The following CLIC5 variants were observed in gnomAD, a reference collection of about 807,000 sequenced individuals.
The protein encoded by CLIC5 is chloride intracellular channel protein 5.
Under a neutral mutation model 24.7 loss-of-function variants are expected in CLIC5, and 20 were observed. The observed-to-expected ratio is 0.81, with a 90% CI of 0.57 to 1.18. The LOEUF (loss-of-function observed/expected upper bound fraction) is 1.18. Among genes scored for constraint, CLIC5 ranks in the 50% most tolerant of loss-of-function variants. CLIC5 has a pLI of 0.00. For missense variants in CLIC5, 341 were observed against 326.1 expected (o/e 1.05, Z -0.35); for synonymous variants, 159 against 135.6 (o/e 1.17, Z -1.20).
intron 1 of CLIC5, among the ~76,000 whole-genome samples, chr6:46,062,425 A>T (rs1762310662): frequency 6.6e-6 from 1 of 152,220 alleles, no homozygotes; most frequent in South Asian, 2.1e-4. Context: ...GTACTGTCTT[A>T]TTTATTTAAG....
chr6:46,121,895 T>C, the CLIC5 span, among the ~76,000 whole-genome samples: 646 of 152,230 alleles, frequency 4.2e-3, 6 homozygotes, highest in African/African-American at 0.015. Context: ...CCTAAATATA[T>C]ATGCACCCAA....
chr6:46,114,377 A>AC, the CLIC5 span, among the ~76,000 whole-genome samples: 1 of 152,066 alleles, frequency 6.6e-6, no homozygotes, highest in Admixed American at 6.6e-5. Context: ...CATTACCGTC[A>AC]CCCCCAGAAG....
chr6:45,907,918 A>G (rs1266513658), intron 5 of CLIC5, among the ~76,000 whole-genome samples: 2 of 152,074 alleles, frequency 1.3e-5, no homozygotes, highest in African/African-American at 4.8e-5. Context: ...CTCTTGCCCA[A>G]TTGCTCTGGA....
rs992487444 is a variant in CLIC5 at position 45,988,653 on chromosome 6, G to T, written c.63+26827C>A. On this transcript the variant is annotated intron_variant, in intron 1 of 5. Transcript: ENST00000339561. ...TAACTATTATCCTTGTTTTAGCAGG[G>T]TTCTATTAAATTGCCTTCAAAGGTT... 5.3e-5 allele frequency among the ~76,000 whole-genome samples: 8 copies of T among 152,190 alleles called. 1 individual carries two copies. Among genetic ancestry groups the T allele is most frequent in the Admixed American group, 2.0e-4 (3 of 15,278 alleles).
chr6:46,128,703 C>T, the CLIC5 span, among the ~76,000 whole-genome samples: 5 of 152,134 alleles, frequency 3.3e-5, no homozygotes, highest in African/African-American at 9.7e-5. Context: ...TGGTGAGTGA[C>T]AGAGTGAGTA....
At chr6:45,912,336 C>A in intron 5 of CLIC5, 1 of 1,019,352 alleles carries the variant, frequency 9.8e-7, no homozygotes, top group Non-Finnish European at 1.2e-6. Flanking sequence ...CTGGGTTAAC[C>A]ACCCACTGAA....
downstream of CLIC5, among the ~76,000 whole-genome samples, chr6:45,898,241 G>A (rs1200494059): frequency 1.3e-5 from 2 of 151,994 alleles, no homozygotes; most frequent in Non-Finnish European, 2.9e-5. Context: ...TCAGGAGTTC[G>A]AGGCCAGCCT....
intron 1 of CLIC5, among the ~76,000 whole-genome samples, chr6:46,074,459 T>A (rs1054773743): frequency 1.3e-5 from 2 of 152,182 alleles, no homozygotes; most frequent in African/African-American, 4.8e-5. Flanking sequence ...AATTATGGGC[T>A]ATGAGTCTAA....
chr6:46,121,114 C>G, the CLIC5 span, among the ~76,000 whole-genome samples: 1 of 151,776 alleles, frequency 6.6e-6, no homozygotes, highest in Non-Finnish European at 1.5e-5. Flanking sequence ...AGAACAACTC[C>G]GAGACACATC....
chr6:46,008,380 C>T (rs1766669141), intron 1 of CLIC5, among the ~76,000 whole-genome samples: 1 of 152,188 alleles, frequency 6.6e-6, no homozygotes, highest in Non-Finnish European at 1.5e-5. Context: ...ACTCAGGTCC[C>T]ACCCTACCCA....
At chr6:45,884,276 C>T (rs1292566405) in intron 6 of CLIC5, among the ~76,000 whole-genome samples, 1 of 152,172 alleles carries the variant, frequency 6.6e-6, no homozygotes, top group Non-Finnish European at 1.5e-5. Context: ...AAGTGTCCCA[C>T]AGGTAGGAGA....
At chr6:45,970,904 A>G (rs1033213102) in intron 1 of CLIC5, among the ~76,000 whole-genome samples, 3 of 152,198 alleles carry the variant, frequency 2.0e-5, no homozygotes, top group East Asian at 3.9e-4. Flanking sequence ...TCACTTGTTC[A>G]TTGGGCACAA....
At chr6:45,910,313 A>C (rs1762780819) in intron 5 of CLIC5, among the ~76,000 whole-genome samples, 1 of 152,132 alleles carries the variant, frequency 6.6e-6, no homozygotes, top group African/African-American at 2.4e-5. Context: ...TAAATCTCTA[A>C]ATAATCCTAT....
the CLIC5 span, among the ~76,000 whole-genome samples, chr6:46,098,002 A>G: frequency 1.3e-5 from 2 of 152,182 alleles, no homozygotes; most frequent in Non-Finnish European, 2.9e-5. Context: ...TTTTAAAGCA[A>G]TAGAGATGAC....
chr6:46,110,904 C>T, the CLIC5 span, among the ~76,000 whole-genome samples: 2 of 152,116 alleles, frequency 1.3e-5, no homozygotes, highest in Non-Finnish European at 2.9e-5. Context: ...AAGCCAAATA[C>T]AATAAAACTA....
intron 1 of CLIC5, chr6:46,014,339 G>T (rs999300893): frequency 1.1e-4 from 17 of 152,242 alleles, no homozygotes; most frequent in African/African-American, 4.1e-4. Context: ...TATTTAATTA[G>T]CTTGTAGAGA....
At chr6:46,055,948 G>T (rs1768237368) in intron 1 of CLIC5, among the ~76,000 whole-genome samples, 2 of 152,178 alleles carry the variant, frequency 1.3e-5, no homozygotes, top group African/African-American at 4.8e-5. Flanking sequence ...AATGGGGAGT[G>T]ACTGTTTAAT....
the CLIC5 span, among the ~76,000 whole-genome samples, chr6:46,101,370 A>G: frequency 2.0e-5 from 3 of 152,356 alleles, no homozygotes; most frequent in East Asian, 3.9e-4. Context: ...GTTCAAAGAC[A>G]AAATTACAAT....
the CLIC5 span, among the ~76,000 whole-genome samples, chr6:46,126,944 C>G: frequency 6.6e-6 from 1 of 152,158 alleles, no homozygotes; most frequent in Non-Finnish European, 1.5e-5. Context: ...ATTTTGAAAA[C>G]AGGATAAGAT....
Sources: gnomAD v4.1 joint callset for allele counts (sites outside exome capture counted in the v4.1 genomes callset) on GRCh38, gnomAD v4.1.1 for gene constraint, MANE v1.5 for transcripts, NCBI Gene and HGNC (gene_info 2026-07-23, HGNC 2026-07-21) for gene names.